The following CACNA2D3 variants were observed in gnomAD, a reference collection of about 807,000 sequenced individuals.
CACNA2D3 encodes calcium voltage-gated channel auxiliary subunit alpha2delta 3, also known as voltage-dependent calcium channel subunit alpha-2/delta-3.
CACNA2D3 carries 60 observed loss-of-function variants against 160.6 expected under a neutral mutation model. The observed-to-expected ratio is 0.37, with a 90% CI of 0.30 to 0.46. The LOEUF is 0.46. Among genes scored for constraint, CACNA2D3 ranks in the 20% least tolerant of loss-of-function variants. CACNA2D3 has a pLI of 1.00. For synonymous variants in CACNA2D3, 558 were observed against 492.9 expected (o/e 1.13, Z -1.75); for missense variants, 1,205 against 1,365.0 (o/e 0.88, Z 1.85).
intron 4 of CACNA2D3, among the ~76,000 whole-genome samples, chr3:54,412,111 T>A (rs1414824216): frequency 6.6e-6 from 1 of 152,180 alleles, no homozygotes; most frequent in Non-Finnish European, 1.5e-5. Flanking sequence ...CGTAGTCTTT[T>A]GTGTCTGGTT....
chr3:54,179,778 T>A (rs1014495425), intron 2 of CACNA2D3, among the ~76,000 whole-genome samples: 70 of 152,252 alleles, frequency 4.6e-4, no homozygotes, highest in African/African-American at 1.5e-3. Context: ...AAGGTGGCTA[T>A]CTACAAACCC....
chr3:54,626,742 AC>A, intron 9 of CACNA2D3: 1 of 669,802 alleles, frequency 1.5e-6, no homozygotes, highest in Non-Finnish European at 2.6e-6. Context: ...GAATGCAGTG[AC>A]TGGAAAGCAA....
chr3:54,306,785 T>C (rs1703612975), intron 2 of CACNA2D3, among the ~76,000 whole-genome samples: 1 of 152,168 alleles, frequency 6.6e-6, no homozygotes, highest in South Asian at 2.1e-4. Flanking sequence ...CATCAGTGGT[T>C]TCTGGGAGAT....
chr3:54,305,233 A>G (rs1444696622), intron 2 of CACNA2D3, among the ~76,000 whole-genome samples: 1 of 152,196 alleles, frequency 6.6e-6, no homozygotes, highest in Non-Finnish European at 1.5e-5. Context: ...TGTATTTTTA[A>G]TCACACAAAT....
Position 54,575,597 on chromosome 3 carries a change from A to C in CACNA2D3, c.888+5493A>C, listed in dbSNP as rs540780466. 5.3e-5 allele frequency among the ~76,000 whole-genome samples: 8 copies of C among 152,238 alleles called. No homozygotes were observed. In the South Asian group the frequency reaches 1.7e-3, roughly 32 times the overall value. ...CAGAGACTTAGGTTTTCTGTGTGTG[A>C]GCCTTGTTTGGGGGCTACCAGGAAG... On this transcript the variant is annotated intron_variant, in intron 8 of 37. Coordinates refer to ENST00000474759, the MANE Select transcript of CACNA2D3 (RefSeq NM_018398.3).
intron 35 of CACNA2D3, among the ~76,000 whole-genome samples, chr3:55,033,582 G>GTATATA (rs755336238): frequency 0.017 from 2,039 of 119,422 alleles, 38 homozygotes; most frequent in African/African-American, 0.05. Context: ...TTATGTGTGT[G>GTATATA]TGTATATATA....
intron 17 of CACNA2D3, among the ~76,000 whole-genome samples, chr3:54,871,202 C>CAG (rs1237873120): frequency 1.4e-5 from 2 of 144,646 alleles, no homozygotes; most frequent in African/African-American, 5.5e-5. Flanking sequence ...CACACACACA[C>CAG]ACACACACAC....
intron 12 of CACNA2D3, among the ~76,000 whole-genome samples, chr3:54,754,233 G>A (rs1485496817): frequency 6.6e-6 from 1 of 152,218 alleles, no homozygotes; most frequent in Non-Finnish European, 1.5e-5. Context: ...ACATGGCCAA[G>A]AAGGCAAAGC....
intron 35 of CACNA2D3, among the ~76,000 whole-genome samples, chr3:55,030,411 A>T (rs1703663582): frequency 6.6e-6 from 1 of 152,092 alleles, no homozygotes; most frequent in South Asian, 2.1e-4. Context: ...TTCTTTTTGT[A>T]TTATGGGTAT....
intron 2 of CACNA2D3, among the ~76,000 whole-genome samples, chr3:54,249,588 C>CACACACACACACACACACACACACA (rs58638743): frequency 1.4e-5 from 2 of 147,484 alleles, no homozygotes; most frequent in African/African-American, 5.1e-5. Context: ...CACACACACA[C>CACACACACACACACACACACACACA]CAGGCTACAT....
chr3:54,950,979 C>T (rs957814677), intron 27 of CACNA2D3, among the ~76,000 whole-genome samples: 1 of 152,170 alleles, frequency 6.6e-6, no homozygotes, highest in Non-Finnish European at 1.5e-5. Flanking sequence ...TGAGTCTTCT[C>T]ACACCCAAGG....
intron 11 of CACNA2D3, among the ~76,000 whole-genome samples, chr3:54,720,294 C>T (rs1001130730): frequency 3.9e-5 from 6 of 151,920 alleles, no homozygotes; most frequent in African/African-American, 1.2e-4. Context: ...AGTAATAGTG[C>T]ACTTTTAGAT....
At position 54,907,107 on chromosome 3, in the gene CACNA2D3, G is replaced by A. The variant is rs116790647; in HGVS notation, c.2449+7239G>A. On this transcript the variant is annotated intron_variant, in intron 27 of 37. Coordinates refer to ENST00000474759, the MANE Select transcript of CACNA2D3 (RefSeq NM_018398.3). The stretch of plus-strand genomic sequence containing the variant: ...CAACGCGCCCTCCACTCAAAAATGA[G>A]CAGCAGAATTTTGGGGTGACACATC... Among the ~76,000 whole-genome samples the A allele has an allele frequency of 7.0e-3, 1,071 of 152,300 alleles. 13 individuals carry two copies. The highest frequency in any genetic ancestry group is 0.024 in the African/African-American group (988 of 41,558).
At position 54,709,563 on chromosome 3, in the gene CACNA2D3, T is replaced by C. The variant is rs141439755; in HGVS notation, c.1168-43036T>C. The stretch of plus-strand genomic sequence containing the variant: ...TTTTTGTAGAGACAGGGTCTCACTA[T>C]GTTACCTAGACTTGTCTCGAACTCC... On this transcript the variant is annotated intron_variant, in intron 11 of 37. Transcript: ENST00000474759. Among the ~76,000 whole-genome samples, 928 of 152,246 alleles carry C rather than the reference T, an allele frequency of 6.1e-3. 10 individuals carry two copies. The highest frequency in any genetic ancestry group is 0.021 in the African/African-American group (884 of 41,542).
chr3:54,171,135 A>AATTTTTTTTTTTT (rs1700557445), intron 2 of CACNA2D3, among the ~76,000 whole-genome samples: 1 of 18,754 alleles, frequency 5.3e-5, no homozygotes, highest in Non-Finnish European at 1.1e-4. Context: ...AAAGATGATG[A>AATTTTTTTTTTTT]CTTTTTTTTT....
chr3:54,174,704 T>G (rs1700640695), intron 2 of CACNA2D3, among the ~76,000 whole-genome samples: 1 of 152,296 alleles, frequency 6.6e-6, no homozygotes, highest in South Asian at 2.1e-4. Flanking sequence ...TTTAGTATTT[T>G]TTGGTAGAGA....
At chr3:54,147,460 C>T (rs192792748) in intron 2 of CACNA2D3, among the ~76,000 whole-genome samples, 18 of 152,330 alleles carry the variant, frequency 1.2e-4, no homozygotes, top group African/African-American at 4.3e-4. Flanking sequence ...CTCCTTTCTT[C>T]TCCCTCCCTC....
At chr3:54,295,006 A>G (rs1025126536) in intron 2 of CACNA2D3, among the ~76,000 whole-genome samples, 1 of 151,628 alleles carries the variant, frequency 6.6e-6, no homozygotes, top group African/African-American at 2.4e-5. Flanking sequence ...TCATCCACCT[A>G]TTCACTCAGC....
intron 11 of CACNA2D3, among the ~76,000 whole-genome samples, chr3:54,751,164 A>T (rs1304421452): frequency 6.6e-6 from 1 of 151,944 alleles, no homozygotes; most frequent in African/African-American, 2.4e-5. Flanking sequence ...CCCAAATGTG[A>T]CTCTGATGGG....
Sources: gnomAD v4.1 joint callset for allele counts (sites outside exome capture counted in the v4.1 genomes callset) on GRCh38, gnomAD v4.1.1 for gene constraint, MANE v1.5 for transcripts, NCBI Gene and HGNC (gene_info 2026-07-23, HGNC 2026-07-21) for gene names.